SPIDR: variants seen among roughly 807,000 people sequenced by gnomAD.
SPIDR encodes DNA repair-scaffolding protein.
SPIDR carries 93 observed loss-of-function variants against 104.6 expected under a neutral mutation model. The observed-to-expected ratio is 0.89, with a 90% CI of 0.75 to 1.06. SPIDR has a LOEUF of 1.06. SPIDR is among the 50% of genes least tolerant of loss of function. The pLI is 0.00. For missense variants in SPIDR, 1,154 were observed against 1,111.2 expected (o/e 1.04, Z -0.55); for synonymous variants, 431 against 416.9 (o/e 1.03, Z -0.41).
intron 8 of SPIDR, among the ~76,000 whole-genome samples, chr8:47,534,635 G>A (rs1188392955): frequency 2.0e-5 from 3 of 152,136 alleles, no homozygotes; most frequent in East Asian, 3.9e-4. Context: ...CTTGAAGAGG[G>A]AGGGTGGGAG....
At chr8:47,660,046 A>G (rs924026317) in intron 10 of SPIDR, among the ~76,000 whole-genome samples, 1 of 152,254 alleles carries the variant, frequency 6.6e-6, no homozygotes, top group East Asian at 1.9e-4. Flanking sequence ...AAACTGAGCC[A>G]GTGAATGAAA....
chr8:47,346,384 G>A (rs2052034939), intron 5 of SPIDR, among the ~76,000 whole-genome samples: 1 of 152,084 alleles, frequency 6.6e-6, no homozygotes, highest in African/African-American at 2.4e-5. Context: ...ATTTAATTGT[G>A]GATTTTTGCA....
intron 5 of SPIDR, among the ~76,000 whole-genome samples, chr8:47,316,300 T>G (rs1194062034): frequency 2.0e-5 from 3 of 152,242 alleles, no homozygotes; most frequent in African/African-American, 7.2e-5. Flanking sequence ...CTACCATATA[T>G]GTAGAGCAAT....
chr8:47,444,480 A>G (rs1026114419), intron 8 of SPIDR, among the ~76,000 whole-genome samples: 3 of 152,252 alleles, frequency 2.0e-5, no homozygotes, highest in African/African-American at 4.8e-5. Context: ...CCCTATTGTC[A>G]TGAGTATACC....
Position 47,628,691 on chromosome 8 carries a change from G to GA in SPIDR, c.1544+29503dup, listed in dbSNP as rs202148910. On this transcript the variant is annotated intron_variant, in intron 10 of 19. Coordinates refer to ENST00000297423, the MANE Select transcript of SPIDR (RefSeq NM_001080394.4). ...ATGTCTATGCAAATATTTCAAATCT[G>GA]AAAAAAAACTCCTGTCCCAAGCAAT... 8.3e-3 allele frequency among the ~76,000 whole-genome samples: 1,266 copies of GA among 151,828 alleles called. 10 individuals carry two copies. Among genetic ancestry groups the GA allele is most frequent in the Middle Eastern group, 0.017 (5 of 294 alleles).
chr8:47,312,108 C>T (rs1392545746), intron 5 of SPIDR, among the ~76,000 whole-genome samples: 1 of 152,156 alleles, frequency 6.6e-6, no homozygotes, highest in Non-Finnish European at 1.5e-5. Flanking sequence ...TTTTCTTAAT[C>T]CAGTCTATCA....
At chr8:47,490,069 T>C (rs1364105077) in intron 8 of SPIDR, among the ~76,000 whole-genome samples, 1 of 152,152 alleles carries the variant, frequency 6.6e-6, no homozygotes, top group East Asian at 1.9e-4. Flanking sequence ...ACAGGCAACC[T>C]ACAGAATGGG....
Position 47,260,962 on chromosome 8 carries a change from C to T in SPIDR, c.4C>T (p.Pro2Ser), listed in dbSNP as rs998109689. Residue 2 changes from proline to serine, a missense_variant, in exon 1 of 20, where the codon CCC becomes TCC. By Grantham distance (74) the Pro-to-Ser change is moderately conservative (BLOSUM62 -1). Transcript: ENST00000297423. M[P>S]RGSRARGSKR... is the part of the protein sequence containing the mutation. ...CGCTCAGGCGGCGCTCCCGGAGATG[C>T]CCCGCGGCAGCCGCGCTCGGGGCTC... 8.1e-7 allele frequency: 1 copy of T among 1,229,550 alleles called. No individual in the cohort carries two copies. The highest frequency in any genetic ancestry group is 1.0e-6 in the Non-Finnish European group (1 of 986,282). 76.2% of individuals were successfully genotyped at this position (1,229,550 alleles called of 1,614,324 possible).
intron 10 of SPIDR, among the ~76,000 whole-genome samples, chr8:47,649,402 TTTCC>T (rs1158886293): frequency 9.8e-5 from 15 of 152,294 alleles, no homozygotes; most frequent in African/African-American, 3.6e-4. Flanking sequence ...ACCTGAACTG[TTTCC>T]TTCCAAAATG....
intron 5 of SPIDR, among the ~76,000 whole-genome samples, chr8:47,321,674 G>T (rs563091616): frequency 1.3e-5 from 2 of 152,066 alleles, no homozygotes; most frequent in Non-Finnish European, 2.9e-5. Flanking sequence ...TGGAGGCATC[G>T]TGCTACCTGA....
chr8:47,416,841 G>T (rs1449869640), intron 7 of SPIDR, among the ~76,000 whole-genome samples: 1 of 149,962 alleles, frequency 6.7e-6, no homozygotes, highest in South Asian at 2.2e-4. Flanking sequence ...TGTTCTCATT[G>T]TTCAGTTCCC....
At chr8:47,358,131 G>A (rs938076545) in intron 5 of SPIDR, among the ~76,000 whole-genome samples, 2 of 152,150 alleles carry the variant, frequency 1.3e-5, no homozygotes, top group African/African-American at 2.4e-5. Flanking sequence ...GAGTGCAGTG[G>A]CTGTTCACAG....
At chr8:47,669,166 A>G (rs1589026142) in intron 10 of SPIDR, among the ~76,000 whole-genome samples, 1 of 152,242 alleles carries the variant, frequency 6.6e-6, no homozygotes, top group Non-Finnish European at 1.5e-5. Flanking sequence ...GTTCCATTGA[A>G]TATGATAAAA....
chr8:47,408,011 TAA>T, intron 7 of SPIDR, 50 bp downstream of exon 7: 1 of 1,018,676 alleles, frequency 9.8e-7, no homozygotes, highest in South Asian at 1.7e-5. Context: ...ATATTTTAGT[TAA>T]AAGAATTCTT....
intron 14 of SPIDR, 71 bp from the exon 15 acceptor site, chr8:47,712,591 T>G: frequency 6.8e-7 from 1 of 1,471,770 alleles, no homozygotes; most frequent in East Asian, 2.3e-5. Flanking sequence ...TATGTATAAC[T>G]TCTGCTTTTA....
intron 10 of SPIDR, among the ~76,000 whole-genome samples, chr8:47,611,568 G>A (rs2063610046): frequency 6.6e-6 from 1 of 151,920 alleles, no homozygotes; most frequent in Admixed American, 6.6e-5. Flanking sequence ...CATGGTGGCT[G>A]GTGCCTGTAG....
intron 5 of SPIDR, among the ~76,000 whole-genome samples, chr8:47,345,994 C>A (rs2051910654): frequency 6.6e-6 from 1 of 152,162 alleles, no homozygotes; most frequent in Non-Finnish European, 1.5e-5. Flanking sequence ...GAATTTCTAA[C>A]ACTATGTTGA....
At chr8:47,674,012 A>AT (rs1295755275) in intron 11 of SPIDR, 71 bp downstream of exon 11, 41 of 1,522,828 alleles carry the variant, frequency 2.7e-5, no homozygotes, top group Non-Finnish European at 3.3e-5. Flanking sequence ...TTTGTCTCTA[A>AT]TTTTATTTTT....
intron 8 of SPIDR, chr8:47,511,266 C>T: frequency 6.4e-7 from 1 of 1,559,672 alleles, no homozygotes; most frequent in Middle Eastern, 1.8e-4. Context: ...TTGTGGTAGT[C>T]TCTGATTCGA....
Sources: gnomAD v4.1 joint callset for allele counts (sites outside exome capture counted in the v4.1 genomes callset) on GRCh38, gnomAD v4.1.1 for gene constraint, MANE v1.5 for transcripts, NCBI Gene and HGNC (gene_info 2026-07-23, HGNC 2026-07-21) for gene names.